Variants in UBALD1 observed in about 807,000 individuals in gnomAD.
UBALD1 encodes UBA like domain containing 1.
In UBALD1, 5 loss-of-function variants were observed where a neutral mutation model predicts 16.1. That is an observed-to-expected ratio of 0.31 (90% CI 0.16 to 0.66). The LOEUF is 0.66. UBALD1 is among the 30% of genes least tolerant of loss of function. The probability of loss-of-function intolerance (pLI) is 0.77; values close to 1 mark genes in which losing one functional copy is unlikely to be tolerated. For synonymous variants in UBALD1, 146 were observed against 105.3 expected, an observed-to-expected ratio of 1.39 and a Z score of -2.37; for missense variants, 220 against 252.8, an observed-to-expected ratio of 0.87 and a Z score of 0.88.
Position 4,614,819 on chromosome 16 carries a change from C to G in UBALD1, c.-22G>C, listed in dbSNP as rs771988624. 12 of 1,493,742 alleles carry G rather than the reference C, an allele frequency of 8.0e-6. No homozygotes were observed. Among genetic ancestry groups the G allele is most frequent in the Non-Finnish European group, 1.1e-5 (12 of 1,122,378 alleles). 92.5% of individuals were successfully genotyped at this position (1,493,742 alleles called of 1,614,324 possible). ...ACATGGCGCCGCCGCGCTGCCCGCT[C>G]CGGCCTCCCTCCTCCGCCCGCGCCT... On this transcript the variant is annotated 5_prime_UTR_variant, in exon 1 of 3. Coordinates refer to ENST00000283474, the MANE Select transcript of UBALD1 (RefSeq NM_145253.3).
rs573880617 is a variant in UBALD1 at position 4,609,810 on chromosome 16, A to C, written c.357T>G (p.Ser119=). ...PHFPHAATSS[S]AASSWPTAAS... is the part of the protein sequence containing the mutation. ...CCGCCGTGGGCCAGCTGGAGGCCGCAGAGCTGCTGGTGGCGGCATGGGGGA... is the reference window on the plus strand; with the variant it reads ...CCGCCGTGGGCCAGCTGGAGGCCGCCGAGCTGCTGGTGGCGGCATGGGGGA... Residue 119 remains serine, a synonymous_variant, in exon 3 of 3, where the codon TCT becomes TCG. Transcript: ENST00000283474. The C allele has an allele frequency of 3.6e-5, 55 of 1,518,354 alleles. No individual in the cohort carries two copies. The highest frequency in any genetic ancestry group is 4.8e-5 in the Non-Finnish European group (54 of 1,135,428). 94.1% of individuals were successfully genotyped at this position (1,518,354 alleles called of 1,614,324 possible). A position where few individuals can be genotyped will look rare whatever the true frequency, so the allele number is the denominator to read the frequency against.
chr16:4,610,034 C>A (rs1449183379), intron 2 of UBALD1, 51 bp from the exon 3 acceptor site: 1 of 1,355,336 alleles, frequency 7.4e-7, no homozygotes, highest in South Asian at 1.2e-5. Context: ...CCTGGAGGGG[C>A]CCCCACTGCC....
At chr16:4,614,638 C>T (rs757796372) in intron 1 of UBALD1, 40 bp downstream of exon 1, 7 of 1,429,368 alleles carry the variant, frequency 4.9e-6, no homozygotes, top group South Asian at 4.4e-5. Context: ...ACACACTCCG[C>T]CCGTGGCCCC....
intron 1 of UBALD1, chr16:4,611,524 T>C (rs1388613939): frequency 6.6e-6 from 1 of 152,528 alleles, no homozygotes; most frequent in Non-Finnish European, 1.5e-5. Context: ...TGGACTGTCA[T>C]CATTAACCCC....
At position 4,609,531 on chromosome 16, in the gene UBALD1, G is replaced by A. The variant is rs570916237; in HGVS notation, c.*102C>T. On this transcript the variant is annotated 3_prime_UTR_variant, in exon 3 of 3. Coordinates refer to ENST00000283474, the MANE Select transcript of UBALD1 (RefSeq NM_145253.3). ...GCGCTCTCCCCTCCAGGGCTCCGGG[G>A]AACAAGGGGTGCAGACAGAAAAGGG... 70 of 507,048 alleles carry A rather than the reference G, an allele frequency of 1.4e-4. 1 individual carries two copies. The highest frequency in any genetic ancestry group is 1.7e-4 in the Non-Finnish European group (52 of 313,844). 31.4% of individuals were successfully genotyped at this position (507,048 alleles called of 1,614,324 possible).
Position 4,609,718 on chromosome 16 carries a change from G to T in UBALD1, c.449C>A (p.Ser150Tyr). ...QPPLWTPTPP[S>Y]PASDWPPLAP... ...CAGGGGTGGCCAGTCTGAAGCCGGA[G>T]AAGGGGGTGTTGGAGTCCACAGGGG... is the stretch of plus-strand genomic sequence containing the variant. The change falls in exon 3 of 3, where the codon TCT (serine) becomes TAT (tyrosine). Residue 150 changes from serine to tyrosine, a missense_variant. Ser to Tyr is a moderately radical substitution (Grantham distance 144, BLOSUM62 -2). Around this residue, in one of 2 missense-constraint regions of UBALD1, gnomAD observed 151 missense variants for 132.6 expected, o/e 1.14. Transcript: ENST00000283474. The T allele has an allele frequency of 6.7e-7, 1 of 1,487,098 alleles. No individual in the cohort carries two copies. Among genetic ancestry groups the T allele is most frequent in the Middle Eastern group, 2.0e-4 (1 of 4,920 alleles). 92.1% of individuals were successfully genotyped at this position (1,487,098 alleles called of 1,614,324 possible).
At position 4,609,404 on chromosome 16, in the gene UBALD1, C is replaced by T. The variant is rs955809395; in HGVS notation, c.*229G>A. ...AGTTCTGTCCGCCAGGCACCCAGGC[C>T]GCGCTGAACCACTCCATGTGCCGGG... On this transcript the variant is annotated 3_prime_UTR_variant, in exon 3 of 3. Transcript: ENST00000283474. 19 of 390,060 alleles carry T rather than the reference C, an allele frequency of 4.9e-5. No individual in the cohort carries two copies. Among genetic ancestry groups the T allele is most frequent in the East Asian group, 2.9e-4 (8 of 27,280 alleles). The allele number at this position is 390,060 out of a possible 1,614,324, so 24.2% of individuals were successfully genotyped here.
chr16:4,614,789 C>T lies in UBALD1; in HGVS notation c.9G>A (p.Val3=). The change falls in exon 1 of 3, where the codon GTG becomes GTA. Residue 3 remains valine, a synonymous_variant. Coordinates refer to ENST00000283474, the MANE Select transcript of UBALD1 (RefSeq NM_145253.3). MS[V]NMDELKHQVM... is the part of the protein sequence containing the mutation. ...CCTGGTGCTTGAGCTCGTCCATGTT[C>T]ACGGACATGGCGCCGCCGCGCTGCC... 2 of 1,516,152 alleles carry T rather than the reference C, an allele frequency of 1.3e-6. No individual in the cohort carries two copies. Among genetic ancestry groups the T allele is most frequent in the Non-Finnish European group, 1.8e-6 (2 of 1,133,124 alleles). 93.9% of individuals were successfully genotyped at this position (1,516,152 alleles called of 1,614,324 possible). A position where few individuals can be genotyped will look rare whatever the true frequency, so the allele number is the denominator to read the frequency against.
chr16:4,609,621 G>T lies in UBALD1; in HGVS notation c.*12C>A. ...CGGGGTCCTGGCCTCCGGGAGGGGG[G>T]AGGGGCCTCCCTTATCTCTCTGCCT... On this transcript the variant is annotated 3_prime_UTR_variant, in exon 3 of 3. Coordinates refer to ENST00000283474, the MANE Select transcript of UBALD1 (RefSeq NM_145253.3). The T allele has an allele frequency of 4.0e-6, 5 of 1,253,826 alleles. No individual in the cohort carries two copies. Among genetic ancestry groups the T allele is most frequent in the Non-Finnish European group, 5.2e-6 (5 of 954,464 alleles). The allele number at this position is 1,253,826 out of a possible 1,614,324, so 77.7% of individuals were successfully genotyped here. A position where few individuals can be genotyped will look rare whatever the true frequency, so the allele number is the denominator to read the frequency against.
chr16:4,614,462 G>T, intron 1 of UBALD1: 1 of 663,500 alleles, frequency 1.5e-6, no homozygotes, highest in Non-Finnish European at 2.2e-6. Flanking sequence ...CGCGGGGGCG[G>T]CGTATCCCCG....
At position 4,610,511 on chromosome 16, in the gene UBALD1, G is replaced by C. The variant is rs1450358248; in HGVS notation, c.165C>G (p.Ser55Arg). 6.2e-7 allele frequency: 1 copy of C among 1,610,780 alleles called. No individual in the cohort carries two copies. ...AFFQETNIPY[S>R]HHHHQMMCTP... is the part of the protein sequence containing the mutation. ...CACTTACCATCTGGTGGTGATGGTG[G>C]CTGTAGGGGATGTTGGTCTCCTGGA... Residue 55 changes from serine to arginine, a missense_variant, in exon 2 of 3, where the codon AGC (serine) becomes AGG (arginine). Coordinates refer to ENST00000283474, the MANE Select transcript of UBALD1 (RefSeq NM_145253.3).
At position 4,609,783 on chromosome 16, in the gene UBALD1, G is replaced by A; in HGVS notation, c.384C>T (p.Ala128=). The A allele has an allele frequency of 6.7e-7, 1 of 1,500,026 alleles. No individual in the cohort carries two copies. 92.9% of individuals were successfully genotyped at this position (1,500,026 alleles called of 1,614,324 possible). The stretch of plus-strand genomic sequence containing the variant: ...GGTGCTGTGGGCCCCCCGGGGGCGA[G>A]GCCGCCGTGGGCCAGCTGGAGGCCG... ...SSAASSWPTA[A]SPPGGPQHHQ... The change falls in exon 3 of 3, where the codon GCC becomes GCT. Residue 128 remains alanine (A), a synonymous_variant. Coordinates refer to ENST00000283474, the MANE Select transcript of UBALD1 (RefSeq NM_145253.3).
At chr16:4,614,537 C>T (rs893220926) in intron 1 of UBALD1, 141 bp downstream of exon 1, 14 of 1,296,610 alleles carry the variant, frequency 1.1e-5, no homozygotes, top group Non-Finnish European at 1.4e-5. Flanking sequence ...CGGGCACCGC[C>T]GTCGGGAAAG....
At position 4,614,801 on chromosome 16, in the gene UBALD1, G is replaced by A. The variant is rs748858849; in HGVS notation, c.-4C>T. ...GCTCGTCCATGTTCACGGACATGGC[G>A]CCGCCGCGCTGCCCGCTCCGGCCTC... is the stretch of plus-strand genomic sequence containing the variant. On this transcript the variant is annotated 5_prime_UTR_variant, in exon 1 of 3. Coordinates refer to ENST00000283474, the MANE Select transcript of UBALD1 (RefSeq NM_145253.3). 1.3e-6 allele frequency: 2 copies of A among 1,499,524 alleles called. No individual in the cohort carries two copies. Among genetic ancestry groups the A allele is most frequent in the Non-Finnish European group, 1.8e-6 (2 of 1,124,082 alleles). 92.9% of individuals were successfully genotyped at this position (1,499,524 alleles called of 1,614,324 possible).
At position 4,614,879 on chromosome 16, in the gene UBALD1, C is replaced by G; in HGVS notation, c.-82G>C. The G allele has an allele frequency of 2.3e-6, 3 of 1,326,260 alleles. No individual in the cohort carries two copies. The highest frequency in any genetic ancestry group is 2.9e-6 in the Non-Finnish European group (3 of 1,021,076). The allele number at this position is 1,326,260 out of a possible 1,614,324, so 82.2% of individuals were successfully genotyped here. ...GCGTCCACCATTAGCGAGCCGGCTCCGGCTAATACAAATATTTACTGTGCG... is the reference window on the plus strand; with the variant it reads ...GCGTCCACCATTAGCGAGCCGGCTCGGGCTAATACAAATATTTACTGTGCG... On this transcript the variant is annotated 5_prime_UTR_variant, in exon 1 of 3. Coordinates refer to ENST00000283474, the MANE Select transcript of UBALD1 (RefSeq NM_145253.3).
intron 1 of UBALD1, among the ~76,000 whole-genome samples, chr16:4,611,865 G>T (rs576161964): frequency 6.6e-6 from 1 of 152,206 alleles, no homozygotes; most frequent in African/African-American, 2.4e-5. Context: ...GTATTTGAGG[G>T]GTTCTCGGGG....
chr16:4,613,642 C>G (rs548859388), intron 1 of UBALD1, among the ~76,000 whole-genome samples: 2 of 152,316 alleles, frequency 1.3e-5, no homozygotes, highest in African/African-American at 2.4e-5. Context: ...GGCCATGACC[C>G]TACCCCTGTG....
intron 1 of UBALD1, 92 bp from the exon 2 acceptor site, chr16:4,610,647 C>G: frequency 1.4e-6 from 2 of 1,422,680 alleles, no homozygotes; most frequent in Non-Finnish European, 1.9e-6. Flanking sequence ...TGGGGATGAC[C>G]CTGGCTGGAC....
rs559662803 is a variant in UBALD1 at position 4,610,745 on chromosome 16, C to T, written c.121-190G>A. On this transcript the variant is annotated intron_variant, in intron 1 of 2. Coordinates refer to ENST00000283474, the MANE Select transcript of UBALD1 (RefSeq NM_145253.3). ...CTCACTGCTGTCTAAGGAGGAGCCACGGAACCTTGGGCAGTTGGGGTGGGT... is the reference window on the plus strand; with the variant it reads ...CTCACTGCTGTCTAAGGAGGAGCCATGGAACCTTGGGCAGTTGGGGTGGGT... The T allele has an allele frequency of 5.8e-5, 36 of 619,088 alleles. 1 individual carries two copies. The highest frequency in any genetic ancestry group is 4.6e-4 in the South Asian group (22 of 48,236). 38.3% of individuals were successfully genotyped at this position (619,088 alleles called of 1,614,324 possible).
Sources: allele counts gnomAD v4.1 joint callset (sites outside exome capture counted in the v4.1 genomes callset), GRCh38; gene constraint gnomAD v4.1.1; regional missense constraint gnomAD v4.1.1; transcripts MANE v1.5; gene names NCBI Gene and HGNC (gene_info 2026-07-23, HGNC 2026-07-21).